SV2C: variants seen among roughly 807,000 people sequenced by gnomAD.
SV2C encodes the protein solute carrier family 22 member B3.
A neutral mutation model predicts 79.7 loss-of-function variants in SV2C; 49 were observed. The ratio of observed to expected loss-of-function variants is 0.61; its 90% CI spans 0.49 to 0.78. The LOEUF is 0.78. Among genes scored for constraint, SV2C ranks in the 30% least tolerant of loss-of-function variants. The pLI is 0.00. For synonymous variants in SV2C, 334 were observed against 333.2 expected, an observed-to-expected ratio of 1.00 and a Z score of -0.03; for missense variants, 833 against 912.9, an observed-to-expected ratio of 0.91 and a Z score of 1.13.
intron 4 of SV2C, among the ~76,000 whole-genome samples, chr5:76,229,711 G>A (rs1165053314): frequency 2.6e-5 from 4 of 152,228 alleles, no homozygotes; most frequent in African/African-American, 4.8e-5. Context: ...TCCCCTGGGG[G>A]GCTTGCATAA....
intron 1 of SV2C, among the ~76,000 whole-genome samples, chr5:76,085,424 C>T (rs1222611541): frequency 6.6e-6 from 1 of 151,992 alleles, no homozygotes; most frequent in Non-Finnish European, 1.5e-5. Flanking sequence ...CCATTTTATT[C>T]TTTTTTTTAA....
chr5:76,217,251 T>C (rs911464549), intron 4 of SV2C, among the ~76,000 whole-genome samples: 1 of 152,126 alleles, frequency 6.6e-6, no homozygotes, highest in Non-Finnish European at 1.5e-5. Context: ...AAAATACATA[T>C]ATTCCCAAGG....
chr5:75,925,383 G>A, the SV2C span, among the ~76,000 whole-genome samples: 3 of 152,182 alleles, frequency 2.0e-5, no homozygotes, highest in Admixed American at 6.5e-5. Flanking sequence ...TTACTTTTAC[G>A]ATATTTAATC....
chr5:75,897,268 T>C, the SV2C span, among the ~76,000 whole-genome samples: 1 of 151,810 alleles, frequency 6.6e-6, no homozygotes, highest in East Asian at 1.9e-4. Context: ...AGGGATCCAG[T>C]TTCAGCTTTC....
the SV2C span, among the ~76,000 whole-genome samples, chr5:76,026,201 AACACACACACACACACACACACAC>A: frequency 8.1e-4 from 113 of 140,136 alleles, no homozygotes; most frequent in African/African-American, 2.9e-3. Context: ...CAAATTTACA[AACACACACACACACACACACACAC>A]ACACACACAC....
At chr5:76,296,318 T>C (rs1747755755) in intron 9 of SV2C, among the ~76,000 whole-genome samples, 1 of 152,090 alleles carries the variant, frequency 6.6e-6, no homozygotes, top group Non-Finnish European at 1.5e-5. Context: ...AAATCTGAAA[T>C]GTGATTATAT....
chr5:75,978,587 C>G, the SV2C span, among the ~76,000 whole-genome samples: 1 of 152,000 alleles, frequency 6.6e-6, no homozygotes. Context: ...TGCTCTTATC[C>G]ACACAAATAT....
intron 12 of SV2C, among the ~76,000 whole-genome samples, chr5:76,351,171 G>C (rs1749634676): frequency 6.6e-6 from 1 of 152,162 alleles, no homozygotes; most frequent in South Asian, 2.1e-4. Flanking sequence ...CTTAGGCCAG[G>C]TGAGATAGCT....
the SV2C span, among the ~76,000 whole-genome samples, chr5:75,897,097 C>G: frequency 7.0e-6 from 1 of 143,136 alleles, no homozygotes; most frequent in Non-Finnish European, 1.5e-5. Flanking sequence ...TCAATTTTGT[C>G]TTTTGTTGCC....
chr5:75,904,027 G>T, the SV2C span, among the ~76,000 whole-genome samples: 1 of 152,098 alleles, frequency 6.6e-6, no homozygotes, highest in Non-Finnish European at 1.5e-5. Context: ...TCTTCTGGGG[G>T]GTGGTTATAG....
the SV2C span, among the ~76,000 whole-genome samples, chr5:75,988,123 G>A: frequency 1.3e-5 from 2 of 151,940 alleles, no homozygotes; most frequent in East Asian, 3.9e-4. Context: ...ATGTATGTGT[G>A]CACACACACA....
chr5:75,938,627 G>T, the SV2C span, among the ~76,000 whole-genome samples: 2 of 152,212 alleles, frequency 1.3e-5, no homozygotes, highest in Non-Finnish European at 2.9e-5. Context: ...GCTCAGGGCA[G>T]TAATTGTCAT....
At chr5:76,024,243 C>A in the SV2C span, among the ~76,000 whole-genome samples, 2 of 152,146 alleles carry the variant, frequency 1.3e-5, no homozygotes. Context: ...CAGCTTGTAG[C>A]AATTTACATA....
chr5:76,201,806 C>G lies in SV2C; in HGVS notation c.761+6707C>G, dbSNP rs528999588. ...GGCTGAGGTGGGCGGATCACGAGGT[C>G]AGGAGATCGAGACCATCCTGGCTAA... On this transcript the variant is annotated intron_variant, in intron 3 of 12. Transcript: ENST00000502798. Among the ~76,000 whole-genome samples the G allele has an allele frequency of 3.3e-5, 5 of 152,074 alleles. No individual in the cohort carries two copies. In the East Asian group the frequency reaches 9.7e-4, roughly 29 times the overall value.
chr5:76,106,704 C>T (rs560214079), intron 1 of SV2C, among the ~76,000 whole-genome samples: 128 of 152,262 alleles, frequency 8.4e-4, no homozygotes, highest in Middle Eastern at 3.4e-3. Context: ...TGTCTCTTTC[C>T]TTCTTTAAGT....
At chr5:76,186,329 TACC>T (rs1391001601) in intron 2 of SV2C, among the ~76,000 whole-genome samples, 4 of 152,216 alleles carry the variant, frequency 2.6e-5, no homozygotes. Flanking sequence ...CACTACCCAG[TACC>T]AATTTAGTGT....
At chr5:76,040,879 A>G in the SV2C span, among the ~76,000 whole-genome samples, 5,601 of 152,252 alleles carry the variant, frequency 0.037, 611 homozygotes, top group East Asian at 0.39. Context: ...GTTAAAAAGC[A>G]TTTGTTTTAA....
chr5:75,914,669 T>A, the SV2C span, among the ~76,000 whole-genome samples: 1 of 152,202 alleles, frequency 6.6e-6, no homozygotes, highest in Admixed American at 6.5e-5. Flanking sequence ...CTAATGTATA[T>A]CCAAATCTAA....
At chr5:75,946,920 A>G in the SV2C span, among the ~76,000 whole-genome samples, 3 of 152,146 alleles carry the variant, frequency 2.0e-5, no homozygotes, top group Non-Finnish European at 4.4e-5. Flanking sequence ...CCAGATAAAA[A>G]TACAGTTTAA....
Sources: gnomAD v4.1 joint callset for allele counts (sites outside exome capture counted in the v4.1 genomes callset) on GRCh38, gnomAD v4.1.1 for gene constraint, MANE v1.5 for transcripts, NCBI Gene and HGNC (gene_info 2026-07-23, HGNC 2026-07-21) for gene names.